SLCO3A1: variants seen among roughly 807,000 people sequenced by gnomAD.
The protein encoded by SLCO3A1 is solute carrier organic anion transporter family member 3A1, also known as PGE1 transporter.
In SLCO3A1, 27 loss-of-function variants were observed where a neutral mutation model predicts 63.1. The observed-to-expected ratio is 0.43, with a 90% CI of 0.32 to 0.59. SLCO3A1 has a LOEUF of 0.59. Ranked by LOEUF, SLCO3A1 falls within the 20% of genes least tolerant of loss-of-function variation. The probability of loss-of-function intolerance (pLI) is 0.09; values close to 1 mark genes in which losing one functional copy is unlikely to be tolerated. For missense variants in SLCO3A1, 773 were observed against 945.8 expected (o/e 0.82, Z 2.40); for synonymous variants, 473 against 409.9 (o/e 1.15, Z -1.86).
intron 2 of SLCO3A1, among the ~76,000 whole-genome samples, chr15:92,076,669 C>G (rs1423291774): frequency 6.6e-6 from 1 of 152,198 alleles, no homozygotes; most frequent in Admixed American, 6.5e-5. Flanking sequence ...TACACCAGCA[C>G]CGTACACCAG....
At chr15:92,011,259 T>G (rs182669277) in intron 2 of SLCO3A1, among the ~76,000 whole-genome samples, 52 of 152,318 alleles carry the variant, frequency 3.4e-4, no homozygotes, top group Admixed American at 2.1e-3. Flanking sequence ...ATTTCCCACA[T>G]CTGTCAAATG....
Position 92,151,028 on chromosome 15 carries a change from CT to C in SLCO3A1, c.1753+17del. 6.4e-7 allele frequency: 1 copy of C among 1,574,482 alleles called. No homozygotes were observed. The highest frequency in any genetic ancestry group is 1.1e-5 in the South Asian group (1 of 88,410). On this transcript the variant is annotated intron_variant, in intron 9 of 9. Transcript: ENST00000318445. ...TTCGTTTGTTGGGTATGTATTATCTCTTTATTTCCTCAATAATGAATTGGAT... is the reference window on the plus strand; with the variant it reads ...TTCGTTTGTTGGGTATGTATTATCTCTTATTTCCTCAATAATGAATTGGAT...
chr15:92,128,252 A>G, intron 6 of SLCO3A1, 99 bp from the exon 7 acceptor site: 2 of 1,398,056 alleles, frequency 1.4e-6, no homozygotes, highest in Non-Finnish European at 2.0e-6. Context: ...GCAGGGTACC[A>G]CGCGACTCAT....
intron 2 of SLCO3A1, among the ~76,000 whole-genome samples, chr15:92,063,696 A>C (rs1417898501): frequency 1.3e-5 from 2 of 152,100 alleles, no homozygotes; most frequent in Non-Finnish European, 2.9e-5. Context: ...CTAAAAATAC[A>C]AAAATTAGCC....
chr15:91,875,890 G>A lies in SLCO3A1; in HGVS notation c.180+21802G>A, dbSNP rs1171550497. 1.3e-5 allele frequency among the ~76,000 whole-genome samples: 2 copies of A among 152,198 alleles called. No homozygotes were observed. Among genetic ancestry groups the A allele is most frequent in the African/African-American group, 4.8e-5 (2 of 41,456 alleles). Reference sequence around the variant, plus strand: ...GTGACAGAAACCATATTGCCTGCAAGTAATATGGCCTGCAAAGCCTAAAAT... The same window carrying A: ...GTGACAGAAACCATATTGCCTGCAAATAATATGGCCTGCAAAGCCTAAAAT... On this transcript the variant is annotated intron_variant, in intron 1 of 9. Transcript: ENST00000318445. This position sits in a 1 kb window ranked among gnomAD's most constrained non-coding sequence, Gnocchi z 4.5.
chr15:92,137,606 C>T lies in SLCO3A1; in HGVS notation c.1512+9117C>T, dbSNP rs1409535429. Among the ~76,000 whole-genome samples, 2 of 109,186 alleles carry T rather than the reference C, an allele frequency of 1.8e-5. 1 individual carries two copies. Among genetic ancestry groups the T allele is most frequent in the African/African-American group, 9.9e-5 (2 of 20,148 alleles). The allele number at this position is 109,186 out of a possible 152,430, so 71.6% of individuals were successfully genotyped here. A position where few individuals can be genotyped will look rare whatever the true frequency, so the allele number is the denominator to read the frequency against. ...GTCCCACCAACTGTGTAAAAGTGTT[C>T]CTATTTCTCCACATCCTCTCCAGCA... On this transcript the variant is annotated intron_variant, in intron 7 of 9. Transcript: ENST00000318445.
intron 4 of SLCO3A1, among the ~76,000 whole-genome samples, chr15:92,105,991 C>A (rs78789696): frequency 0.018 from 2,667 of 152,284 alleles, 77 homozygotes; most frequent in African/African-American, 0.061. Context: ...TGTTCCTCAC[C>A]AGCCCTGCGA....
At chr15:91,980,170 CA>C (rs1377505738) in intron 2 of SLCO3A1, among the ~76,000 whole-genome samples, 2 of 152,142 alleles carry the variant, frequency 1.3e-5, no homozygotes, top group African/African-American at 4.8e-5. Context: ...TGTGTGACTA[CA>C]GTAGTGCCAC....
intron 1 of SLCO3A1, among the ~76,000 whole-genome samples, chr15:91,870,039 A>T (rs970345111): frequency 2.6e-5 from 4 of 152,088 alleles, no homozygotes; most frequent in Non-Finnish European, 5.9e-5. Flanking sequence ...CTGTGAATCG[A>T]GTAAGTTGCC....
chr15:91,926,603 GCGCA>G (rs200892480), intron 2 of SLCO3A1, among the ~76,000 whole-genome samples: 3 of 145,040 alleles, frequency 2.1e-5, no homozygotes, highest in Admixed American at 6.7e-5. Context: ...GTGTGCGCGC[GCGCA>G]CGCCCATGCT....
intron 2 of SLCO3A1, among the ~76,000 whole-genome samples, chr15:92,090,831 C>T (rs2047464015): frequency 6.6e-6 from 1 of 152,280 alleles, no homozygotes; most frequent in East Asian, 1.9e-4. Context: ...TTTCTGTATG[C>T]CAGACACTTT....
intron 1 of SLCO3A1, among the ~76,000 whole-genome samples, chr15:91,869,979 T>A (rs117072736): frequency 6.6e-6 from 1 of 152,046 alleles, no homozygotes; most frequent in Non-Finnish European, 1.5e-5. Context: ...GTTCACAGAA[T>A]TGGGGGAGAA....
intron 2 of SLCO3A1, among the ~76,000 whole-genome samples, chr15:92,076,705 C>T (rs927920401): frequency 2.6e-5 from 4 of 152,222 alleles, no homozygotes; most frequent in African/African-American, 4.8e-5. Context: ...CCAGTCAGCA[C>T]ACACTCGGAG....
intron 2 of SLCO3A1, among the ~76,000 whole-genome samples, chr15:91,919,166 G>A (rs903448305): frequency 5.3e-5 from 8 of 152,334 alleles, no homozygotes; most frequent in Admixed American, 2.6e-4. Context: ...ATCGGTGGCC[G>A]TGTCGTAGCT....
Position 92,019,945 on chromosome 15 carries a change from A to C in SLCO3A1, c.647-74936A>C, listed in dbSNP as rs186132790. On this transcript the variant is annotated intron_variant, in intron 2 of 9. Coordinates refer to ENST00000318445, the MANE Select transcript of SLCO3A1 (RefSeq NM_013272.4). ...TGGCCTTCATGTCAGGGCAGTGAGGACTGTATCAAAGCCCAAGGCTCGTGG... is the reference window on the plus strand; with the variant it reads ...TGGCCTTCATGTCAGGGCAGTGAGGCCTGTATCAAAGCCCAAGGCTCGTGG... Among the ~76,000 whole-genome samples, 87 of 152,218 alleles carry C rather than the reference A, an allele frequency of 5.7e-4. 1 individual carries two copies. In the East Asian group the frequency reaches 9.5e-3, roughly 17 times the overall value.
At chr15:91,975,392 C>T (rs1219209601) in intron 2 of SLCO3A1, among the ~76,000 whole-genome samples, 1 of 152,212 alleles carries the variant, frequency 6.6e-6, no homozygotes, top group African/African-American at 2.4e-5. Context: ...AGTTGGCTCC[C>T]TAAACATGAG....
At chr15:91,999,100 C>G (rs944750666) in intron 2 of SLCO3A1, among the ~76,000 whole-genome samples, 2 of 152,040 alleles carry the variant, frequency 1.3e-5, no homozygotes, top group African/African-American at 4.8e-5. Context: ...TACTCGTGGA[C>G]GTAAAGTCGG....
rs528132560 is a variant in SLCO3A1, at chr15:92,059,332, C to T, written c.647-35549C>T. Among the ~76,000 whole-genome samples, 6 of 152,330 alleles carry T rather than the reference C, an allele frequency of 3.9e-5. No homozygotes were observed. In the South Asian group the frequency reaches 1.2e-3, roughly 32 times the overall value. On this transcript the variant is annotated intron_variant, in intron 2 of 9. Transcript: ENST00000318445. ...GGGCTGGTTTAGCTTTCTCTCTGCC[C>T]TCAGGCAGGGGGCTGGGTTCCATAA...
chr15:92,135,313 C>T (rs1428267824), intron 7 of SLCO3A1, among the ~76,000 whole-genome samples: 1 of 152,176 alleles, frequency 6.6e-6, no homozygotes, highest in Non-Finnish European at 1.5e-5. Flanking sequence ...CCCTTCCTCC[C>T]CTCAGCAGGA....
Sources: allele counts gnomAD v4.1 joint callset (sites outside exome capture counted in the v4.1 genomes callset), GRCh38; gene constraint gnomAD v4.1.1; non-coding constraint Gnocchi (gnomAD v3.1); transcripts MANE v1.5; gene names NCBI Gene and HGNC (gene_info 2026-07-23, HGNC 2026-07-21).